TMEM61: variants seen among roughly 807,000 people sequenced by gnomAD.
The protein encoded by TMEM61 is transmembrane protein 61.
In TMEM61, 13 loss-of-function variants were observed where a neutral mutation model predicts 12.0. The observed-to-expected ratio is 1.08, with a 90% CI of 0.70 to 1.72. The LOEUF is 1.72. Ranked by LOEUF, TMEM61 falls within the 40% of genes most tolerant of loss-of-function variation. The pLI is 0.00. For missense variants in TMEM61, 249 were observed against 276.9 expected (o/e 0.90, Z 0.71); for synonymous variants, 109 against 121.4 (o/e 0.90, Z 0.67).
intron 2 of TMEM61, among the ~76,000 whole-genome samples, chr1:54,991,508 A>T (rs1424751544): frequency 1.3e-5 from 2 of 152,174 alleles, no homozygotes; most frequent in Admixed American, 1.3e-4. Context: ...TGAAACACCC[A>T]TAAGCAGCTA....
At position 54,992,137 on chromosome 1, in the gene TMEM61, A is replaced by G. The variant is rs1423022177; in HGVS notation, c.*34A>G. Reference sequence around the variant, plus strand: ...AGCAGGTCCTGAATCCAGAGACAAAAATGCCGTGCCTTCTCCAGAGTCTTA... The same window carrying G: ...AGCAGGTCCTGAATCCAGAGACAAAGATGCCGTGCCTTCTCCAGAGTCTTA... On this transcript the variant is annotated 3_prime_UTR_variant, in exon 3 of 3. Transcript: ENST00000371268. 6.3e-7 allele frequency: 1 copy of G among 1,598,240 alleles called. No individual in the cohort carries two copies. Among genetic ancestry groups the G allele is most frequent in the South Asian group, 1.1e-5 (1 of 89,872 alleles).
intron 1 of TMEM61, among the ~76,000 whole-genome samples, chr1:54,984,290 G>A (rs1644243996): frequency 6.6e-6 from 1 of 152,302 alleles, no homozygotes; most frequent in South Asian, 2.1e-4. Context: ...TGTGGCCCCC[G>A]CTGCCTGCTT....
In TMEM61 at chr1:54,992,287, T is replaced by C; in HGVS notation, c.*184T>C. 1.4e-6 allele frequency: 1 copy of C among 738,872 alleles called. No homozygotes were observed. Among genetic ancestry groups the C allele is most frequent in the East Asian group, 2.7e-5 (1 of 36,366 alleles). The allele number at this position is 738,872 out of a possible 1,614,324, so 45.8% of individuals were successfully genotyped here. A position where few individuals can be genotyped will look rare whatever the true frequency, so the allele number is the denominator to read the frequency against. On this transcript the variant is annotated 3_prime_UTR_variant, in exon 3 of 3. Coordinates refer to ENST00000371268, the MANE Select transcript of TMEM61 (RefSeq NM_182532.3). ...GCTTAAAATAAATCCCATTTTATTA[T>C]GTCTCACGACTCTATGAGTTGCCTA...
intron 2 of TMEM61, among the ~76,000 whole-genome samples, chr1:54,991,149 C>T (rs921312279): frequency 3.9e-5 from 6 of 152,304 alleles, no homozygotes; most frequent in South Asian, 2.1e-4. Flanking sequence ...CTGGCTGGGG[C>T]GTGGGTGATC....
At chr1:54,983,109 G>GTTTTTTGT (rs1644234129) in intron 1 of TMEM61, among the ~76,000 whole-genome samples, 3 of 109,522 alleles carry the variant, frequency 2.7e-5, no homozygotes, top group Non-Finnish European at 5.5e-5. Flanking sequence ...GTTTTGCTTT[G>GTTTTTTGT]TTTTTTTTTT....
intron 1 of TMEM61, among the ~76,000 whole-genome samples, chr1:54,982,108 C>T (rs1336934561): frequency 3.3e-5 from 5 of 152,156 alleles, no homozygotes; most frequent in Non-Finnish European, 7.3e-5. Flanking sequence ...TCATTACCTG[C>T]TTTCCCCTTG....
intron 2 of TMEM61, among the ~76,000 whole-genome samples, chr1:54,989,803 G>A (rs1028857290): frequency 1.3e-5 from 2 of 152,138 alleles, no homozygotes; most frequent in Admixed American, 1.3e-4. Flanking sequence ...CTGCTGGGAT[G>A]GCCCCAGGCC....
At chr1:54,982,379 A>G (rs957695563) in intron 1 of TMEM61, among the ~76,000 whole-genome samples, 2 of 152,126 alleles carry the variant, frequency 1.3e-5, no homozygotes, top group African/African-American at 2.4e-5. Context: ...GGGTGAGAAC[A>G]GCCTGCTGAT....
In TMEM61 at chr1:54,980,816, G is replaced by T; in HGVS notation, c.-250G>T. The T allele has an allele frequency of 2.6e-6, 1 of 387,110 alleles. No homozygotes were observed. The highest frequency in any genetic ancestry group is 3.7e-5 in the East Asian group (1 of 26,786). The allele number at this position is 387,110 out of a possible 1,614,324, so 24.0% of individuals were successfully genotyped here. The stretch of plus-strand genomic sequence containing the variant: ...AGGCCTGGCTCGGTCCCTGCGCACC[G>T]GGTGCGGGCGGCGGAGAGGGCGCGG... On this transcript the variant is annotated 5_prime_UTR_variant, in exon 1 of 3. Transcript: ENST00000371268.
intron 2 of TMEM61, among the ~76,000 whole-genome samples, chr1:54,987,896 G>A (rs546538771): frequency 1.3e-5 from 2 of 152,326 alleles, no homozygotes; most frequent in Admixed American, 6.5e-5. Flanking sequence ...AATGTTTTCC[G>A]AGTCGAAGAA....
At chr1:54,990,958 T>A (rs533560042) in intron 2 of TMEM61, among the ~76,000 whole-genome samples, 1 of 152,132 alleles carries the variant, frequency 6.6e-6, no homozygotes, top group Non-Finnish European at 1.5e-5. Flanking sequence ...CCACCCTCAG[T>A]GTTGGAAGGG....
chr1:54,987,935 G>T (rs776000007), intron 2 of TMEM61, among the ~76,000 whole-genome samples: 2 of 152,210 alleles, frequency 1.3e-5, no homozygotes, highest in Non-Finnish European at 1.5e-5. Flanking sequence ...ACCAGCCTGT[G>T]ACTTCTTAAA....
chr1:54,984,053 C>T (rs1287203151), intron 1 of TMEM61, among the ~76,000 whole-genome samples: 1 of 151,990 alleles, frequency 6.6e-6, no homozygotes, highest in African/African-American at 2.4e-5. Flanking sequence ...CTCACACACA[C>T]ATGCACACAC....
At chr1:54,989,947 CTTT>C (rs112620721) in intron 2 of TMEM61, among the ~76,000 whole-genome samples, 1 of 144,410 alleles carries the variant, frequency 6.9e-6, no homozygotes. Flanking sequence ...ATTTGTTTTT[CTTT>C]TTTTTTTTGC....
intron 1 of TMEM61, among the ~76,000 whole-genome samples, chr1:54,983,600 C>T (rs1015979): frequency 0.73 from 110,202 of 151,908 alleles, 40,865 homozygotes; most frequent in Non-Finnish European, 0.8. Context: ...GGTCCTTCAC[C>T]TTTTTGGGCT....
rs148386208 is a variant in TMEM61, at chr1:54,992,013, C to G, written c.543C>G (p.Ser181Arg). ...CTCCACCCAGCTATGAGAGCATCAG[C>G]CTTGCTCTTGATGCCGTTTCTGCGG... ...AWPPPSYESI[S>R]LALDAVSAET... Residue 181 changes from serine to arginine, a missense_variant, in exon 3 of 3, where the codon AGC (serine) becomes AGG (arginine). Physicochemically the swap from Ser to Arg is moderately radical, Grantham distance 110. Coordinates refer to ENST00000371268, the MANE Select transcript of TMEM61 (RefSeq NM_182532.3). The G allele has an allele frequency of 1.2e-6, 2 of 1,614,012 alleles. No homozygotes were observed. Among genetic ancestry groups the G allele is most frequent in the African/African-American group, 1.3e-5 (1 of 74,932 alleles).
intron 1 of TMEM61, among the ~76,000 whole-genome samples, chr1:54,983,838 G>C (rs920503539): frequency 2.6e-5 from 4 of 152,112 alleles, no homozygotes; most frequent in African/African-American, 9.7e-5. Context: ...TGGGGGACTG[G>C]GAGTAGTCAG....
At chr1:54,981,599 C>G (rs747570797) in intron 1 of TMEM61, among the ~76,000 whole-genome samples, 1 of 152,166 alleles carries the variant, frequency 6.6e-6, no homozygotes, top group Non-Finnish European at 1.5e-5. Context: ...GCCTGGGCAA[C>G]AGAGCAAGAT....
At position 54,991,816 on chromosome 1, in the gene TMEM61, C is replaced by A. The variant is rs771392374; in HGVS notation, c.366-20C>A. 2.9e-5 allele frequency: 46 copies of A among 1,611,080 alleles called. No individual in the cohort carries two copies. In the Admixed American group the frequency reaches 7.2e-4, roughly 25 times the overall value. On this transcript the variant is annotated intron_variant, in intron 2 of 2. Transcript: ENST00000371268. The stretch of plus-strand genomic sequence containing the variant: ...GGTCTGCCCCAGCCCCTGCTAACAG[C>A]CTCTCTTCTGTTCCTGCAGGACCCC...
Sources: allele counts gnomAD v4.1 joint callset (sites outside exome capture counted in the v4.1 genomes callset), GRCh38; gene constraint gnomAD v4.1.1; transcripts MANE v1.5; gene names NCBI Gene and HGNC (gene_info 2026-07-23, HGNC 2026-07-21).